The following SCP2 variants were observed in gnomAD, a reference collection of about 807,000 sequenced individuals.
The protein encoded by SCP2 is SCP-2/3-oxoacyl-CoA thiolase.
A neutral mutation model predicts 71.4 loss-of-function variants in SCP2; 48 were observed. That is an observed-to-expected ratio of 0.67 (90% CI 0.53 to 0.86). The LOEUF (loss-of-function observed/expected upper bound fraction) is 0.86, where lower values mean the gene tolerates loss of function less well. SCP2 is among the 40% of genes least tolerant of loss of function. The probability of loss-of-function intolerance (pLI) is 0.00; values close to 1 mark genes in which losing one functional copy is unlikely to be tolerated. For synonymous variants in SCP2, 220 were observed against 218.1 expected (o/e 1.01, Z -0.08); for missense variants, 560 against 655.6 (o/e 0.85, Z 1.59).
rs1659795230 is a variant in SCP2 at position 52,994,684 on chromosome 1, C to T, written c.1081+6548C>T. The T allele has an allele frequency of 3.3e-6, 2 of 608,430 alleles. 1 individual carries two copies. 37.7% of individuals were successfully genotyped at this position (608,430 alleles called of 1,614,324 possible). A position where few individuals can be genotyped will look rare whatever the true frequency, so the allele number is the denominator to read the frequency against. ...AAGTTACATATTTTCTTGCCCCATG[C>T]ATACCTTGAGGCGAGCAAAAAAATT... is the stretch of plus-strand genomic sequence containing the variant. On this transcript the variant is annotated intron_variant, in intron 11 of 15. Transcript: ENST00000371514.
At chr1:53,002,715 G>T (rs1007756885) in intron 11 of SCP2, among the ~76,000 whole-genome samples, 14 of 152,154 alleles carry the variant, frequency 9.2e-5, no homozygotes, top group African/African-American at 3.4e-4. Context: ...CTAATGACAC[G>T]TATATTATTA....
chr1:53,024,114 C>T (rs1422017986), intron 12 of SCP2, among the ~76,000 whole-genome samples: 1 of 152,142 alleles, frequency 6.6e-6, no homozygotes, highest in Non-Finnish European at 1.5e-5. Context: ...TAAAATGAAA[C>T]CCAGCCTTTT....
At chr1:53,019,680 G>T (rs574333587) in intron 12 of SCP2, among the ~76,000 whole-genome samples, 1 of 152,136 alleles carries the variant, frequency 6.6e-6, no homozygotes, top group East Asian at 1.9e-4. Flanking sequence ...TTCAGCAAGC[G>T]CAGTAGCACA....
intron 11 of SCP2, among the ~76,000 whole-genome samples, chr1:53,006,597 C>A (rs1383733458): frequency 5.9e-5 from 9 of 152,150 alleles, no homozygotes; most frequent in Non-Finnish European, 1.0e-4. Context: ...TTTGTCACCA[C>A]CAGGCCTGCC....
At chr1:52,981,653 A>T (rs999228856) in intron 10 of SCP2, among the ~76,000 whole-genome samples, 2 of 151,412 alleles carry the variant, frequency 1.3e-5, no homozygotes, top group Non-Finnish European at 2.9e-5. Context: ...GCTGTTCTCA[A>T]ACTCCTGGCT....
At chr1:52,934,630 T>TTTTTTTTTGG in intron 1 of SCP2, among the ~76,000 whole-genome samples, 1 of 124,926 alleles carries the variant, frequency 8.0e-6, no homozygotes, top group East Asian at 2.5e-4. Flanking sequence ...TTTTTTTTTT[T>TTTTTTTTTGG]GAGACGGAGT....
intron 13 of SCP2, among the ~76,000 whole-genome samples, chr1:53,036,532 T>TAC (rs1381013499): frequency 6.7e-6 from 1 of 148,888 alleles, no homozygotes; most frequent in African/African-American, 2.4e-5. Context: ...CCTTCTTGAA[T>TAC]ATATATATAA....
intron 1 of SCP2, among the ~76,000 whole-genome samples, chr1:52,929,212 T>TC (rs113322273): frequency 1.5e-4 from 22 of 151,250 alleles, no homozygotes; most frequent in African/African-American, 5.1e-4. Context: ...TTTTTTTTTT[T>TC]TGGAAGACGG....
At chr1:52,955,338 C>A (rs530366681) in intron 5 of SCP2, among the ~76,000 whole-genome samples, 1 of 152,218 alleles carries the variant, frequency 6.6e-6, no homozygotes, top group South Asian at 2.1e-4. Context: ...TTTTAACAGC[C>A]CCCTGGAATG....
At chr1:52,960,565 T>A (rs1157446068) in intron 5 of SCP2, among the ~76,000 whole-genome samples, 11 of 148,114 alleles carry the variant, frequency 7.4e-5, no homozygotes, top group Non-Finnish European at 1.2e-4. Context: ...TATATATGTA[T>A]GTATATATAT....
rs1661228415 is a variant in SCP2 at position 53,014,952 on chromosome 1, C to T, written c.1144C>T (p.Pro382Ser). The T allele has an allele frequency of 1.9e-6, 3 of 1,614,016 alleles. No homozygotes were observed. Among genetic ancestry groups the T allele is most frequent in the Non-Finnish European group, 1.7e-6 (2 of 1,179,990 alleles). ...AGGGGAAGCCGGAAAGAGGCAAGTT[C>T]CTGGTGCAAAGGTGGCTCTGCAGCA... ...LRGEAGKRQV[P>S]GAKVALQHNL... The change falls in exon 12 of 16, where the codon CCT (proline) becomes TCT (serine). Residue 382 changes from proline to serine, a missense_variant. Physicochemically the swap from Pro to Ser is moderately conservative, Grantham distance 74 (BLOSUM62 -1). Coordinates refer to ENST00000371514, the MANE Select transcript of SCP2 (RefSeq NM_002979.5).
At chr1:52,977,129 A>G (rs895394683) in intron 8 of SCP2, among the ~76,000 whole-genome samples, 4 of 152,346 alleles carry the variant, frequency 2.6e-5, no homozygotes, top group South Asian at 4.1e-4. Flanking sequence ...CTATAATAGT[A>G]GCTATGAGTA....
chr1:53,029,352 C>G (rs1662362722), intron 13 of SCP2, among the ~76,000 whole-genome samples: 1 of 151,082 alleles, frequency 6.6e-6, no homozygotes, highest in Non-Finnish European at 1.5e-5. Context: ...CAGCCTTGAG[C>G]CCCTGGGCTC....
intron 6 of SCP2, among the ~76,000 whole-genome samples, chr1:52,969,819 T>TCAAA (rs75238032): frequency 0.77 from 115,124 of 150,068 alleles, 45,675 homozygotes; most frequent in Non-Finnish European, 0.88. Context: ...AGACTCCATC[T>TCAAA]CAAACAAACA....
chr1:52,935,188 C>T (rs931704882), intron 1 of SCP2, among the ~76,000 whole-genome samples: 4 of 151,718 alleles, frequency 2.6e-5, no homozygotes, highest in Non-Finnish European at 2.9e-5. Context: ...ATTGCATGAA[C>T]CCGGGAGGCG....
intron 5 of SCP2, among the ~76,000 whole-genome samples, chr1:52,957,603 G>C (rs750761005): frequency 1.3e-4 from 20 of 152,196 alleles, no homozygotes; most frequent in Admixed American, 5.2e-4. Context: ...AGAACATATT[G>C]ATATACAGTG....
chr1:52,935,349 AG>A (rs1653620653), intron 1 of SCP2, among the ~76,000 whole-genome samples: 1 of 152,046 alleles, frequency 6.6e-6, no homozygotes, highest in Non-Finnish European at 1.5e-5. Context: ...TGAGAAGCCA[AG>A]GAGGGTGGAT....
At chr1:53,014,751 G>C in intron 11 of SCP2, 139 bp from the exon 12 acceptor site, 1 of 885,090 alleles carries the variant, frequency 1.1e-6, no homozygotes, top group South Asian at 1.5e-5. Context: ...AAAACCCTTC[G>C]GTGTTTTAAG....
rs1387663607 is a variant in SCP2, at chr1:53,038,984, G to T, written c.1406G>T (p.Gly469Val). ...FAFKVKDGPG[G>V]KEATWVVDVK... ...TTCAAGGTGAAAGATGGCCCTGGGGGTAAAGAGGCCACCTGGGTGGTGGAT... is the reference window on the plus strand; with the variant it reads ...TTCAAGGTGAAAGATGGCCCTGGGGTTAAAGAGGCCACCTGGGTGGTGGAT... The change falls in exon 14 of 16, where the codon GGT becomes GTT. Residue 469 changes from glycine to valine, a missense_variant. Physicochemically the swap from Gly to Val is moderately radical, Grantham distance 109. Around this residue, in one of 3 missense-constraint regions of SCP2, gnomAD observed 513 missense variants for 573.1 expected, o/e 0.90. Coordinates refer to ENST00000371514, the MANE Select transcript of SCP2 (RefSeq NM_002979.5). 2 of 1,614,146 alleles carry T rather than the reference G, an allele frequency of 1.2e-6. No individual in the cohort carries two copies. The highest frequency in any genetic ancestry group is 2.2e-5 in the East Asian group (1 of 44,890).
Sources: allele counts gnomAD v4.1 joint callset (sites outside exome capture counted in the v4.1 genomes callset), GRCh38; gene constraint gnomAD v4.1.1; regional missense constraint gnomAD v4.1.1; transcripts MANE v1.5; gene names NCBI Gene and HGNC (gene_info 2026-07-23, HGNC 2026-07-21).